Variants in SYNE1 observed in about 807,000 individuals in gnomAD.
SYNE1 encodes nesprin-1.
A neutral mutation model predicts 1,111.0 loss-of-function variants in SYNE1; 616 were observed. The ratio of observed to expected loss-of-function variants is 0.55; its 90% CI spans 0.52 to 0.59. The LOEUF (loss-of-function observed/expected upper bound fraction) is 0.59, where lower values mean the gene tolerates loss of function less well. SYNE1 is among the 20% of genes least tolerant of loss of function. The pLI is 0.00. For missense variants in SYNE1, 10,006 were observed against 10,417.0 expected (o/e 0.96, Z 1.72); for synonymous variants, 3,855 against 3,825.8 (o/e 1.01, Z -0.28).
intron 131 of SYNE1, among the ~76,000 whole-genome samples, chr6:152,161,100 C>T (rs2062392457): frequency 1.3e-5 from 2 of 149,506 alleles, no homozygotes; most frequent in South Asian, 2.1e-4. Flanking sequence ...AAATCCAATT[C>T]AGTTATTTTA....
At position 152,396,777 on chromosome 6, in the gene SYNE1, T is replaced by C. The variant is rs112058557; in HGVS notation, c.7554A>G (p.Gly2518=). 4 of 1,614,044 alleles carry C rather than the reference T, an allele frequency of 2.5e-6. No homozygotes were observed. Among genetic ancestry groups the C allele is most frequent in the Non-Finnish European group, 3.4e-6 (4 of 1,179,920 alleles). ...QALQDCASEL[G]SFEDQHRKLN... is the part of the protein sequence containing the mutation. ...CTATGTTTGTTAAACTAACCTACCT[T>C]CCAAGTTCTGAAGCACAGTCTTGAA... is the stretch of plus-strand genomic sequence containing the variant. Residue 2518 remains glycine (G), a splice_region_variant and synonymous_variant, in exon 50 of 146, where the codon GGA becomes GGG. Transcript: ENST00000367255.
At chr6:152,258,088 G>T (rs746974157) in intron 101 of SYNE1, among the ~76,000 whole-genome samples, 10 of 152,122 alleles carry the variant, frequency 6.6e-5, no homozygotes, top group Admixed American at 1.3e-4. Context: ...TTTCTAAAGC[G>T]TCATTCAATG....
chr6:152,290,987 G>A (rs2094572051), intron 95 of SYNE1, among the ~76,000 whole-genome samples: 1 of 150,996 alleles, frequency 6.6e-6, no homozygotes, highest in Non-Finnish European at 1.5e-5. Flanking sequence ...GATGATACAT[G>A]AAATTATATA....
At chr6:152,615,781 T>C (rs1290020462) in intron 3 of SYNE1, among the ~76,000 whole-genome samples, 1 of 152,242 alleles carries the variant, frequency 6.6e-6, no homozygotes, top group Non-Finnish European at 1.5e-5. Context: ...TATCTGACTC[T>C]TACTCAAGAG....
At chr6:152,477,326 G>C (rs185690461) in intron 14 of SYNE1, among the ~76,000 whole-genome samples, 95 of 152,260 alleles carry the variant, frequency 6.2e-4, no homozygotes, top group African/African-American at 2.3e-3. Context: ...GGAGTTTGGG[G>C]GAAGTTGTAA....
At chr6:152,470,043 C>G (rs2098796722) in intron 16 of SYNE1, among the ~76,000 whole-genome samples, 2 of 152,080 alleles carry the variant, frequency 1.3e-5, no homozygotes, top group African/African-American at 2.4e-5. Flanking sequence ...GATGAGAGTA[C>G]TAGGAAATGT....
chr6:152,501,922 T>C (rs572872793), intron 10 of SYNE1, among the ~76,000 whole-genome samples: 162 of 152,338 alleles, frequency 1.1e-3, no homozygotes, highest in African/African-American at 3.8e-3. Flanking sequence ...TAAAATTGTA[T>C]GGATACCATA....
chr6:152,458,692 A>C, intron 22 of SYNE1, 65 bp downstream of exon 22: 2 of 1,557,620 alleles, frequency 1.3e-6, no homozygotes, highest in Non-Finnish European at 1.8e-6. Context: ...TATTCCTGTA[A>C]GCAACACCCT....
At chr6:152,153,075 C>T (rs1481604984) in intron 133 of SYNE1, among the ~76,000 whole-genome samples, 1 of 152,152 alleles carries the variant, frequency 6.6e-6, no homozygotes, top group African/African-American at 2.4e-5. Flanking sequence ...ATAAATTGAA[C>T]CGCACTCATC....
chr6:152,319,506 T>C (rs1238285260), intron 84 of SYNE1, among the ~76,000 whole-genome samples: 1 of 152,196 alleles, frequency 6.6e-6, no homozygotes, highest in East Asian at 1.9e-4. Context: ...AGCTCTATAG[T>C]ATGCCAACCA....
intron 119 of SYNE1, among the ~76,000 whole-genome samples, chr6:152,219,876 A>G (rs2079710165): frequency 6.6e-6 from 1 of 152,136 alleles, no homozygotes; most frequent in Non-Finnish European, 1.5e-5. Flanking sequence ...CTATCCTATC[A>G]TTGAGAGATA....
chr6:152,201,950 C>T lies in SYNE1; in HGVS notation c.23020-1G>A, dbSNP rs1554544827. The T allele has an allele frequency of 6.2e-7, 1 of 1,613,810 alleles. No homozygotes were observed. The highest frequency in any genetic ancestry group is 8.5e-7 in the Non-Finnish European group (1 of 1,179,868). On this transcript the variant is annotated splice_acceptor_variant, in intron 126 of 145. Coordinates refer to ENST00000367255, the MANE Select transcript of SYNE1 (RefSeq NM_182961.4). LOFTEE classifies it high-confidence loss of function. The stretch of plus-strand genomic sequence containing the variant: ...TTCCTTTCTCACATTTTTCCCAGTC[C>T]TATCATGGGAATAAAAACAAATAGC...
intron 132 of SYNE1, 23 bp from the exon 133 acceptor site, chr6:152,155,065 A>C (rs186840701): frequency 6.2e-7 from 1 of 1,613,980 alleles, no homozygotes; most frequent in Non-Finnish European, 8.5e-7. Context: ...ATGAAAGAAC[A>C]GATTCAGATT....
At chr6:152,216,886 C>G (rs971700756) in intron 121 of SYNE1, among the ~76,000 whole-genome samples, 3 of 151,370 alleles carry the variant, frequency 2.0e-5, no homozygotes, top group Admixed American at 6.6e-5. Flanking sequence ...AACCACCCCC[C>G]TCTCCATCTC....
intron 3 of SYNE1, among the ~76,000 whole-genome samples, chr6:152,614,080 G>A (rs975285302): frequency 6.6e-6 from 1 of 152,074 alleles, no homozygotes. Flanking sequence ...GCATGGGCAA[G>A]GACTTCATGA....
intron 91 of SYNE1, among the ~76,000 whole-genome samples, chr6:152,303,763 A>G (rs2153818381): frequency 6.6e-6 from 1 of 152,356 alleles, no homozygotes; most frequent in Admixed American, 6.5e-5. Context: ...GGGAATAATG[A>G]CAAGAAAAGA....
intron 124 of SYNE1, among the ~76,000 whole-genome samples, chr6:152,208,865 A>G (rs565410271): frequency 6.6e-6 from 1 of 152,340 alleles, no homozygotes; most frequent in South Asian, 2.1e-4. Flanking sequence ...GTCTGTATAA[A>G]TGTCATTAAT....
chr6:152,425,127 C>A (rs1410662207), intron 39 of SYNE1, among the ~76,000 whole-genome samples: 1 of 152,122 alleles, frequency 6.6e-6, no homozygotes, highest in East Asian at 1.9e-4. Flanking sequence ...ATTAGCAATC[C>A]TACCGTCTTT....
chr6:152,255,148 A>G (rs1242039262), intron 103 of SYNE1, 59 bp from the exon 104 acceptor site: 5 of 1,415,608 alleles, frequency 3.5e-6, no homozygotes, highest in South Asian at 1.2e-5. Flanking sequence ...TATGCAAATC[A>G]TGTTATTTTC....
Sources: allele counts gnomAD v4.1 joint callset (sites outside exome capture counted in the v4.1 genomes callset), GRCh38; gene constraint gnomAD v4.1.1; transcripts MANE v1.5; gene names NCBI Gene and HGNC (gene_info 2026-07-23, HGNC 2026-07-21).